The following CPLANE1 variants were observed in gnomAD, a reference collection of about 807,000 sequenced individuals.
CPLANE1 encodes ciliogenesis and planar polarity effector complex subunit 1.
A neutral mutation model predicts 362.5 loss-of-function variants in CPLANE1; 263 were observed. The ratio of observed to expected loss-of-function variants is 0.73; its 90% CI spans 0.66 to 0.80. The LOEUF is 0.80. CPLANE1 is among the 30% of genes least tolerant of loss of function. The pLI, the probability that CPLANE1 is intolerant of heterozygous loss-of-function variation, is 0.00. For synonymous variants in CPLANE1, 1,212 were observed against 1,302.6 expected, an observed-to-expected ratio of 0.93 and a Z score of 1.50; for missense variants, 3,461 against 3,793.4, an observed-to-expected ratio of 0.91 and a Z score of 2.30.
At chr5:37,212,502 A>AC (rs2150230453) in intron 16 of CPLANE1, 1 of 597,658 alleles carries the variant, frequency 1.7e-6, no homozygotes, top group Admixed American at 2.6e-5. Context: ...ATCCAAAAAA[A>AC]AAAAAAAGAA....
At chr5:37,133,197 G>C (rs1397114855) in intron 46 of CPLANE1, among the ~76,000 whole-genome samples, 1 of 152,238 alleles carries the variant, frequency 6.6e-6, no homozygotes, top group South Asian at 2.1e-4. Context: ...TTTGAAGGCA[G>C]GTAACATGAT....
rs569707428 is a variant in CPLANE1 at position 37,173,600 on chromosome 5, C to G, written c.6171+155G>C. Among the ~76,000 whole-genome samples the G allele has an allele frequency of 2.6e-5, 4 of 152,240 alleles. No homozygotes were observed. In the South Asian group the frequency reaches 8.3e-4, roughly 32 times the overall value. ...GATTACAAACGTGAGCCACTGCGCC[C>G]AACCAGTTATAAACATTTGAATGAA... On this transcript the variant is annotated intron_variant, in intron 32 of 52. Coordinates refer to ENST00000651892, the MANE Select transcript of CPLANE1 (RefSeq NM_001384732.1).
chr5:37,239,580 CAAAAAA>C (rs10591482), intron 7 of CPLANE1, 127 bp downstream of exon 7: 51 of 304,282 alleles, frequency 1.7e-4, no homozygotes, highest in Admixed American at 3.3e-4. Flanking sequence ...GAGACCCTGT[CAAAAAA>C]AAAAAAAAAA....
chr5:37,185,007 C>T lies in CPLANE1; in HGVS notation c.4262G>A (p.Arg1421His), dbSNP rs139594497. Residue 1421 changes from arginine to histidine, a missense_variant, in exon 25 of 53, where the codon CGT (arginine) becomes CAT (histidine). Coordinates refer to ENST00000651892, the MANE Select transcript of CPLANE1 (RefSeq NM_001384732.1). ...AAAAGAGCCTATATTTCTCTGCACA[C>T]GTTTTAGAGCTTTCACCCTCACTTT... ...IQKVRVKALKRVQRNIGSFEV... is the reference protein window; with the variant it reads ...IQKVRVKALKHVQRNIGSFEV... 58 of 1,614,038 alleles carry T rather than the reference C, an allele frequency of 3.6e-5. 1 individual carries two copies. The Middle Eastern group carries it at 9.9e-4, about 28-fold the overall frequency.
intron 23 of CPLANE1, among the ~76,000 whole-genome samples, chr5:37,186,797 C>T (rs1276971533): frequency 6.6e-6 from 1 of 152,086 alleles, no homozygotes; most frequent in Non-Finnish European, 1.5e-5. Context: ...CGGTGGCTCA[C>T]GCCTGTAATC....
At position 37,245,480 on chromosome 5, in the gene CPLANE1, G is replaced by A. The variant is rs571875820; in HGVS notation, c.336C>T (p.Val112=). The part of the protein sequence containing the change: ...EKPKEMIKAT[V]ASSLRLYLYV... Reference sequence around the variant, plus strand: ...TTAAACAAATAAAAAAATTCCCACCGACTGTAGCTTTGATCATTTCCTTAG... The same window carrying A: ...TTAAACAAATAAAAAAATTCCCACCAACTGTAGCTTTGATCATTTCCTTAG... Residue 112 remains valine, a splice_region_variant and synonymous_variant, in exon 4 of 53, where the codon GTC becomes GTT. Coordinates refer to ENST00000651892, the MANE Select transcript of CPLANE1 (RefSeq NM_001384732.1). The A allele has an allele frequency of 8.7e-5, 125 of 1,434,258 alleles. No individual in the cohort carries two copies. The highest frequency in any genetic ancestry group is 1.0e-4 in the Non-Finnish European group (110 of 1,088,480). The allele number at this position is 1,434,258 out of a possible 1,614,324, so 88.8% of individuals were successfully genotyped here.
chr5:37,230,782 T>A, intron 9 of CPLANE1, 85 bp downstream of exon 9: 1 of 908,638 alleles, frequency 1.1e-6, no homozygotes, highest in Non-Finnish European at 1.5e-6. Flanking sequence ...ATTTGAAAGA[T>A]GAAATTTTTT....
At chr5:37,075,819 ATACT>A in the CPLANE1 span, among the ~76,000 whole-genome samples, 2 of 152,156 alleles carry the variant, frequency 1.3e-5, no homozygotes, top group African/African-American at 4.8e-5. Flanking sequence ...GGCAAGGCAG[ATACT>A]TACTTATCTA....
intron 35 of CPLANE1, 84 bp from the exon 36 acceptor site, chr5:37,165,755 T>C (rs1044905802): frequency 1.4e-5 from 17 of 1,247,340 alleles, no homozygotes; most frequent in Middle Eastern, 2.2e-4. Context: ...AGGGATACAG[T>C]TGACAAAATT....
intron 15 of CPLANE1, among the ~76,000 whole-genome samples, chr5:37,214,051 C>T (rs1793347858): frequency 6.6e-6 from 1 of 151,740 alleles, no homozygotes; most frequent in Admixed American, 6.6e-5. Flanking sequence ...AGGCATACCA[C>T]ATAACCTAGA....
At chr5:37,082,853 T>G in the CPLANE1 span, among the ~76,000 whole-genome samples, 1 of 148,732 alleles carries the variant, frequency 6.7e-6, no homozygotes, top group Non-Finnish European at 1.5e-5. Context: ...AAACAAAGGG[T>G]GGAGTTGTGA....
intron 46 of CPLANE1, among the ~76,000 whole-genome samples, chr5:37,125,980 G>C (rs1764021136): frequency 6.6e-6 from 1 of 152,112 alleles, no homozygotes; most frequent in Non-Finnish European, 1.5e-5. Context: ...GCTCACACCT[G>C]TAATCCCAGA....
At chr5:37,157,567 A>T in intron 40 of CPLANE1, 103 bp downstream of exon 40, 1 of 1,144,422 alleles carries the variant, frequency 8.7e-7, no homozygotes, top group Non-Finnish European at 1.3e-6. Context: ...CCAAAAATAC[A>T]GTGGGTTTGT....
In CPLANE1 at chr5:37,205,370, T is replaced by C. The variant is rs756432435; in HGVS notation, c.3234A>G (p.Gln1078=). 18 of 1,551,262 alleles carry C rather than the reference T, an allele frequency of 1.2e-5. No individual in the cohort carries two copies. In the South Asian group the frequency reaches 1.9e-4, roughly 16 times the overall value. The change falls in exon 18 of 53, where the codon CAA becomes CAG. Residue 1078 remains glutamine, a synonymous_variant. Coordinates refer to ENST00000651892, the MANE Select transcript of CPLANE1 (RefSeq NM_001384732.1). ...FQEKLQCVLG[Q]PASLEAKNEM... ...CATTTTTTGCTTCCAAAGAGGCTGG[T>C]TGACCTAAAACACACTGCAGTTTTT...
At chr5:37,206,690 A>G (rs759755211) in intron 16 of CPLANE1, among the ~76,000 whole-genome samples, 10 of 152,206 alleles carry the variant, frequency 6.6e-5, no homozygotes, top group Non-Finnish European at 1.3e-4. Flanking sequence ...AATAGAAAGT[A>G]TCAGACACAA....
intron 25 of CPLANE1, 95 bp from the exon 26 acceptor site, chr5:37,183,794 A>G (rs1181694881): frequency 1.4e-5 from 12 of 847,946 alleles, no homozygotes; most frequent in Admixed American, 6.2e-5. Context: ...CCAATGATTA[A>G]GTCATGTATA....
At position 37,183,216 on chromosome 5, in the gene CPLANE1, T is replaced by G; in HGVS notation, c.4965A>C (p.Gln1655His). Residue 1655 changes from glutamine (Q) to histidine (H), a missense_variant, in exon 26 of 53, where the codon CAA becomes CAC. By Grantham distance (24) the Gln-to-His change is conservative. This residue lies in a region of CPLANE1 where 3,380 missense variants were observed against 3,666.1 expected (regional missense o/e 0.92). Coordinates refer to ENST00000651892, the MANE Select transcript of CPLANE1 (RefSeq NM_001384732.1). Reference protein sequence around the residue: ...QKLSSSVLVNQGIKPFLQYPS... With the variant: ...QKLSSSVLVNHGIKPFLQYPS... ...GATATTGTAAAAAAGGTTTGATCCC[T>G]TGATTAACCAGTACTGATGATGAAA... is the stretch of plus-strand genomic sequence containing the variant. 6.2e-7 allele frequency: 1 copy of G among 1,611,570 alleles called. No individual in the cohort carries two copies. The highest frequency in any genetic ancestry group is 8.5e-7 in the Non-Finnish European group (1 of 1,179,252).
chr5:37,162,748 C>T (rs1580314288), intron 37 of CPLANE1, 182 bp from the exon 38 acceptor site: 3 of 402,694 alleles, frequency 7.4e-6, no homozygotes, highest in Non-Finnish European at 1.3e-5. Context: ...GGTGCAATCT[C>T]GGCTTACTGC....
At chr5:37,138,045 T>G (rs748051384) in intron 46 of CPLANE1, among the ~76,000 whole-genome samples, 6 of 152,090 alleles carry the variant, frequency 3.9e-5, no homozygotes, top group Non-Finnish European at 8.8e-5. Context: ...GTTCTACAGA[T>G]GTTTATTAGG....
Sources: allele counts gnomAD v4.1 joint callset (sites outside exome capture counted in the v4.1 genomes callset), GRCh38; gene constraint gnomAD v4.1.1; regional missense constraint gnomAD v4.1.1; transcripts MANE v1.5; gene names NCBI Gene and HGNC (gene_info 2026-07-23, HGNC 2026-07-21).